Variants in ATP2C2 observed in about 807,000 individuals in gnomAD.
The protein encoded by ATP2C2 is calcium-transporting ATPase type 2C member 2.
ATP2C2 carries 171 observed loss-of-function variants against 110.8 expected under a neutral mutation model. The ratio of observed to expected loss-of-function variants is 1.54; its 90% CI spans 1.36 to 1.75. The LOEUF (loss-of-function observed/expected upper bound fraction) is 1.75. Among genes scored for constraint, ATP2C2 ranks in the 40% most tolerant of loss-of-function variants. The pLI is 0.00. For synonymous variants in ATP2C2, 804 were observed against 508.4 expected (o/e 1.58, Z -7.82); for missense variants, 1,963 against 1,235.0 (o/e 1.59, Z -8.84).
At chr16:84,376,363 G>A (rs1027374842) in intron 1 of ATP2C2, among the ~76,000 whole-genome samples, 6 of 152,176 alleles carry the variant, frequency 3.9e-5, no homozygotes, top group East Asian at 1.9e-4. Context: ...TCTCTCCCTC[G>A]AGTGTCCTGG....
intron 7 of ATP2C2, among the ~76,000 whole-genome samples, chr16:84,418,482 A>C (rs1256431707): frequency 6.6e-6 from 1 of 152,212 alleles, no homozygotes; most frequent in Non-Finnish European, 1.5e-5. Flanking sequence ...ATATGAAGAC[A>C]ACGAATATTT....
intron 1 of ATP2C2, among the ~76,000 whole-genome samples, chr16:84,383,089 A>C (rs1441632721): frequency 6.6e-6 from 1 of 152,110 alleles, no homozygotes; most frequent in Non-Finnish European, 1.5e-5. Flanking sequence ...GAGCAAAGCT[A>C]GTGGGTTCCT....
chr16:84,462,011 CT>C lies in ATP2C2; in HGVS notation c.2607del (p.Leu870SerfsTer43). On this transcript the variant is annotated frameshift_variant, in exon 26 of 27. Coordinates refer to ENST00000262429, the MANE Select transcript of ATP2C2 (RefSeq NM_014861.4). LOFTEE classifies it high-confidence loss of function. The part of the protein sequence containing the change: ...SQTKLIFEIG[F>X]LRNHMFLYSV... ...AGACCAAGCTGATATTTGAGATCGG[CT>C]TTCTCAGGAACCACATGTTCCTCTA... 1 of 1,613,930 alleles carries C rather than the reference CT, an allele frequency of 6.2e-7. No individual in the cohort carries two copies.
intron 1 of ATP2C2, among the ~76,000 whole-genome samples, chr16:84,393,880 G>C (rs1904810364): frequency 6.6e-6 from 1 of 151,914 alleles, no homozygotes; most frequent in Non-Finnish European, 1.5e-5. Context: ...AAAAGGCTAG[G>C]CATGGTGGCT....
intron 26 of ATP2C2, 48 bp downstream of exon 26, chr16:84,462,177 G>C: frequency 6.3e-7 from 1 of 1,580,464 alleles, no homozygotes; most frequent in Non-Finnish European, 8.6e-7. Flanking sequence ...CAGGGCCATG[G>C]GGGGCGGCAG....
intron 1 of ATP2C2, among the ~76,000 whole-genome samples, chr16:84,389,845 C>T (rs1026799645): frequency 2.6e-5 from 4 of 151,988 alleles, no homozygotes; most frequent in East Asian, 1.9e-4. Flanking sequence ...CTCAGCCTCC[C>T]GAGTAGCTGG....
At chr16:84,444,441 C>G (rs1429920331) in intron 15 of ATP2C2, among the ~76,000 whole-genome samples, 1 of 152,176 alleles carries the variant, frequency 6.6e-6, no homozygotes, top group Non-Finnish European at 1.5e-5. Context: ...CCATTGCACT[C>G]CAGCCTGGGT....
At chr16:84,378,490 C>G (rs1018023400) in intron 1 of ATP2C2, among the ~76,000 whole-genome samples, 1 of 152,176 alleles carries the variant, frequency 6.6e-6, no homozygotes, top group South Asian at 2.1e-4. Context: ...TGTTGGGTAA[C>G]AGATCTAAGC....
At chr16:84,380,549 C>A (rs1288708639) in intron 1 of ATP2C2, among the ~76,000 whole-genome samples, 1 of 152,116 alleles carries the variant, frequency 6.6e-6, no homozygotes, top group East Asian at 1.9e-4. Flanking sequence ...GATCAGTTTG[C>A]GGTAATCAGG....
chr16:84,416,088 C>A (rs898584472), intron 7 of ATP2C2, among the ~76,000 whole-genome samples: 1 of 152,172 alleles, frequency 6.6e-6, no homozygotes, highest in African/African-American at 2.4e-5. Flanking sequence ...GCAGGAAAAT[C>A]ACTTGAACCC....
At chr16:84,432,437 C>G (rs1051889976) in intron 11 of ATP2C2, among the ~76,000 whole-genome samples, 1 of 151,986 alleles carries the variant, frequency 6.6e-6, no homozygotes, top group African/African-American at 2.4e-5. Flanking sequence ...CCCCGAACCC[C>G]CCGACAGGCC....
At chr16:84,371,243 G>T (rs906186064) in intron 1 of ATP2C2, among the ~76,000 whole-genome samples, 3 of 152,296 alleles carry the variant, frequency 2.0e-5, no homozygotes, top group Admixed American at 6.5e-5. Context: ...TGAGCCGGGC[G>T]CAGTGGCTCA....
At chr16:84,410,493 C>A in intron 4 of ATP2C2, 75 bp from the exon 5 acceptor site, 2 of 1,482,510 alleles carry the variant, frequency 1.3e-6, no homozygotes, top group Admixed American at 1.7e-5. Flanking sequence ...TAAAGACAAG[C>A]CCCTAGCCTG....
chr16:84,418,604 G>A (rs911877649), intron 7 of ATP2C2, among the ~76,000 whole-genome samples: 9 of 152,124 alleles, frequency 5.9e-5, no homozygotes, highest in South Asian at 4.1e-4. Flanking sequence ...TTTACTACAC[G>A]GACACAGCAG....
At chr16:84,463,519 T>C (rs768978973) in intron 26 of ATP2C2, 95 bp from the exon 27 acceptor site, 2 of 1,040,368 alleles carry the variant, frequency 1.9e-6, no homozygotes, top group African/African-American at 1.6e-5. Flanking sequence ...TCCGCACCTC[T>C]CACTTTATCA....
chr16:84,424,823 T>C (rs1907667929), intron 10 of ATP2C2, among the ~76,000 whole-genome samples: 1 of 152,168 alleles, frequency 6.6e-6, no homozygotes, highest in South Asian at 2.1e-4. Flanking sequence ...GAGATGTACC[T>C]AGTTGATTCT....
rs1906169805 is a variant in ATP2C2 at position 84,410,423 on chromosome 16, T to A, written c.418-145T>A. 3 of 926,728 alleles carry A rather than the reference T, an allele frequency of 3.2e-6. No individual in the cohort carries two copies. In the Admixed American group the frequency reaches 5.8e-5, roughly 18 times the overall value. 57.4% of individuals were successfully genotyped at this position (926,728 alleles called of 1,614,324 possible). A position where few individuals can be genotyped will look rare whatever the true frequency, so the allele number is the denominator to read the frequency against. The stretch of plus-strand genomic sequence containing the variant: ...AATTTTTTCCTGCTCTTTTGGCTAG[T>A]ATATTTTCTAAATTTCTGTACTGTG... On this transcript the variant is annotated intron_variant, in intron 4 of 26. Transcript: ENST00000262429.
Position 84,396,373 on chromosome 16 carries a change from C to T in ATP2C2, c.100-2126C>T, listed in dbSNP as rs62048826. 4.0e-3 allele frequency among the ~76,000 whole-genome samples: 605 copies of T among 150,962 alleles called. 8 individuals are homozygous for T. The highest frequency in any genetic ancestry group is 0.014 in the African/African-American group (576 of 40,548). On this transcript the variant is annotated intron_variant, in intron 1 of 26. Coordinates refer to ENST00000262429, the MANE Select transcript of ATP2C2 (RefSeq NM_014861.4). ...CCAGCCTGGCCAACCTGGTGAAAAC[C>T]CGTCTCTACTAAAAATACAAAAACA...
chr16:84,371,463 C>G (rs1286034082), intron 1 of ATP2C2, among the ~76,000 whole-genome samples: 1 of 152,138 alleles, frequency 6.6e-6, no homozygotes, highest in East Asian at 1.9e-4. Context: ...TGTGATCATG[C>G]CACTGTGCTC....
Sources: gnomAD v4.1 joint callset for allele counts (sites outside exome capture counted in the v4.1 genomes callset) on GRCh38, gnomAD v4.1.1 for gene constraint, MANE v1.5 for transcripts, NCBI Gene and HGNC (gene_info 2026-07-23, HGNC 2026-07-21) for gene names.